HRH1: variants seen among roughly 807,000 people sequenced by gnomAD.
The protein encoded by HRH1 is histamine H1 receptor.
A neutral mutation model predicts 10.3 loss-of-function variants in HRH1; 6 were observed. The observed-to-expected ratio is 0.58, with a 90% CI of 0.32 to 1.15. The LOEUF (loss-of-function observed/expected upper bound fraction) is 1.15, where lower values mean the gene tolerates loss of function less well. Among genes scored for constraint, HRH1 ranks in the 50% most tolerant of loss-of-function variants. HRH1 has a pLI of 0.05. For missense variants in HRH1, 514 were observed against 615.3 expected, an observed-to-expected ratio of 0.84 and a Z score of 1.74; for synonymous variants, 242 against 236.7, an observed-to-expected ratio of 1.02 and a Z score of -0.21.
At chr3:11,144,927 A>G (rs774830062) in intron 1 of HRH1, among the ~76,000 whole-genome samples, 14 of 152,110 alleles carry the variant, frequency 9.2e-5, no homozygotes, top group Non-Finnish European at 1.5e-4. Flanking sequence ...TTTTCTCAGT[A>G]AATAGCTCCA....
At chr3:11,215,144 A>G (rs1240128117) in intron 1 of HRH1, among the ~76,000 whole-genome samples, 1 of 152,188 alleles carries the variant, frequency 6.6e-6, no homozygotes, top group African/African-American at 2.4e-5. Flanking sequence ...CCCCTCCAAG[A>G]GGTGGTGTCC....
chr3:11,198,252 TC>T lies in HRH1; in HGVS notation c.-36+43702del, dbSNP rs774983308. ...GTTCAGGCCCACGGTGCCTGCTCAT[TC>T]CCCTGAGTGTCTGCCCTTCCCCACA... On this transcript the variant is annotated intron_variant, in intron 1 of 1. Coordinates refer to ENST00000431010, the MANE Select transcript of HRH1 (RefSeq NM_001098212.2). Among the ~76,000 whole-genome samples, 7 of 152,180 alleles carry T rather than the reference TC, an allele frequency of 4.6e-5. No homozygotes were observed. In the East Asian group the frequency reaches 9.7e-4, roughly 21 times the overall value.
intron 1 of HRH1, among the ~76,000 whole-genome samples, chr3:11,161,056 G>A (rs1462771674): frequency 6.6e-6 from 1 of 151,906 alleles, no homozygotes; most frequent in African/African-American, 2.4e-5. Context: ...CTCCTGCCCT[G>A]CCTGTGGCCA....
In HRH1 at chr3:11,179,951, T is replaced by C. The variant is rs149295857; in HGVS notation, c.-36+25397T>C. ...ATGTCTGGCTAATTTTTTGTAGAGATGGGATCTCACTGTGTTGCCCAGGCT... is the reference window on the plus strand; with the variant it reads ...ATGTCTGGCTAATTTTTTGTAGAGACGGGATCTCACTGTGTTGCCCAGGCT... On this transcript the variant is annotated intron_variant, in intron 1 of 1. Transcript: ENST00000431010. 5.5e-3 allele frequency among the ~76,000 whole-genome samples: 831 copies of C among 151,944 alleles called. 5 individuals are homozygous for C. The highest frequency in any genetic ancestry group is 0.019 in the African/African-American group (775 of 41,462).
At chr3:11,255,832 G>A (rs141360278) in intron 1 of HRH1, among the ~76,000 whole-genome samples, 1 of 152,170 alleles carries the variant, frequency 6.6e-6, no homozygotes, top group Non-Finnish European at 1.5e-5. Context: ...GTCTGACTTC[G>A]AACAGAATGG....
rs1218278935 is a variant in HRH1, at chr3:11,261,481, G to GTTA, written c.*981_*983dup. 1 of 167,082 alleles carries GTTA rather than the reference G, an allele frequency of 6.0e-6. No homozygotes were observed. The highest frequency in any genetic ancestry group is 1.5e-5 in the Non-Finnish European group (1 of 68,110). The allele number at this position is 167,082 out of a possible 1,614,324, so 10.3% of individuals were successfully genotyped here. A position where few individuals can be genotyped will look rare whatever the true frequency, so the allele number is the denominator to read the frequency against. On this transcript the variant is annotated 3_prime_UTR_variant, in exon 2 of 2. Coordinates refer to ENST00000431010, the MANE Select transcript of HRH1 (RefSeq NM_001098212.2). ...GTCACATAGCTAGTTATGTGAGAAA[G>GTTA]TTAGAGTACAGATCCTCTGGGGTTT...
At chr3:11,224,636 C>T (rs1477681154) in intron 1 of HRH1, among the ~76,000 whole-genome samples, 2 of 151,154 alleles carry the variant, frequency 1.3e-5, no homozygotes, top group African/African-American at 4.9e-5. Context: ...GGAGGCGGAG[C>T]TTGCAGCGAG....
chr3:11,240,551 C>T (rs1939305385), intron 1 of HRH1, among the ~76,000 whole-genome samples: 1 of 152,098 alleles, frequency 6.6e-6, no homozygotes, highest in African/African-American at 2.4e-5. Context: ...CCTCTTTGCA[C>T]ATGTACCTCC....
chr3:11,236,466 A>G (rs1435655497), intron 1 of HRH1, among the ~76,000 whole-genome samples: 1 of 151,762 alleles, frequency 6.6e-6, no homozygotes, highest in African/African-American at 2.4e-5. Context: ...TCAGGCAGGC[A>G]GAGTTGAGAA....
At chr3:11,144,313 A>G (rs1188085820) in intron 1 of HRH1, among the ~76,000 whole-genome samples, 1 of 130,574 alleles carries the variant, frequency 7.7e-6, no homozygotes, top group Non-Finnish European at 1.6e-5. Flanking sequence ...GTGTCCATCA[A>G]TGGAAAATTG....
At chr3:11,257,794 T>C (rs1575047681) in intron 1 of HRH1, among the ~76,000 whole-genome samples, 1 of 152,212 alleles carries the variant, frequency 6.6e-6, no homozygotes, top group East Asian at 1.9e-4. Flanking sequence ...GCTAGGACTA[T>C]AGGTGTATTA....
chr3:11,252,438 G>A (rs1157646184), intron 1 of HRH1, among the ~76,000 whole-genome samples: 2 of 152,136 alleles, frequency 1.3e-5, no homozygotes, highest in Non-Finnish European at 2.9e-5. Flanking sequence ...ACGAGGGCAG[G>A]GAAAATTTCT....
chr3:11,138,822 ACACCAC>A (rs1936236151), intron 1 of HRH1, among the ~76,000 whole-genome samples: 1 of 147,062 alleles, frequency 6.8e-6, no homozygotes, highest in Non-Finnish European at 1.5e-5. Context: ...CTACAAGTGT[ACACCAC>A]CATGTCCGCC....
At chr3:11,161,116 C>A (rs1322996275) in intron 1 of HRH1, among the ~76,000 whole-genome samples, 4 of 152,118 alleles carry the variant, frequency 2.6e-5, no homozygotes, top group Non-Finnish European at 5.9e-5. Flanking sequence ...TCCTGCCCTG[C>A]CTGTGGCCAA....
intron 1 of HRH1, among the ~76,000 whole-genome samples, chr3:11,212,463 G>A (rs551590870): frequency 6.6e-6 from 1 of 152,252 alleles, no homozygotes; most frequent in African/African-American, 2.4e-5. Flanking sequence ...GGCAGGCCTG[G>A]AAAATCTACT....
intron 1 of HRH1, among the ~76,000 whole-genome samples, chr3:11,249,519 C>G (rs1211964534): frequency 6.6e-6 from 1 of 151,838 alleles, no homozygotes. Context: ...CCTGAGACTT[C>G]TGCTCCTACC....
At chr3:11,215,802 A>C (rs1269737468) in intron 1 of HRH1, among the ~76,000 whole-genome samples, 1 of 152,206 alleles carries the variant, frequency 6.6e-6, no homozygotes, top group Non-Finnish European at 1.5e-5. Context: ...TGAATCAGTT[A>C]AGTGAAGGTC....
At chr3:11,209,994 C>T (rs1258068987) in intron 1 of HRH1, among the ~76,000 whole-genome samples, 1 of 152,200 alleles carries the variant, frequency 6.6e-6, no homozygotes, top group African/African-American at 2.4e-5. Context: ...ATGCAGTTGT[C>T]GTGAGACACA....
At chr3:11,239,542 T>C (rs1194395825) in intron 1 of HRH1, among the ~76,000 whole-genome samples, 1 of 152,236 alleles carries the variant, frequency 6.6e-6, no homozygotes. Context: ...TAGCAGTTTT[T>C]AAAAATTCCT....
Sources: gnomAD v4.1 joint callset for allele counts (sites outside exome capture counted in the v4.1 genomes callset) on GRCh38, gnomAD v4.1.1 for gene constraint, MANE v1.5 for transcripts, NCBI Gene and HGNC (gene_info 2026-07-23, HGNC 2026-07-21) for gene names.